The following RNF212 variants were observed in gnomAD, a reference collection of about 807,000 sequenced individuals.
The protein encoded by RNF212 is probable E3 SUMO-protein ligase RNF212.
RNF212 carries 33 observed loss-of-function variants against 34.7 expected under a neutral mutation model. The ratio of observed to expected loss-of-function variants is 0.95; its 90% CI spans 0.72 to 1.27. RNF212 has a LOEUF of 1.27. Ranked by LOEUF, RNF212 falls within the 50% of genes most tolerant of loss-of-function variation. RNF212 has a pLI of 0.00. For missense variants in RNF212, 377 were observed against 362.2 expected (o/e 1.04, Z -0.33); for synonymous variants, 140 against 136.1 (o/e 1.03, Z -0.20).
chr4:1,058,904 T>G (rs1560087425), intron 3 of RNF212, among the ~76,000 whole-genome samples: 1 of 152,214 alleles, frequency 6.6e-6, no homozygotes, highest in Admixed American at 6.5e-5. Flanking sequence ...TCCCAAGCCT[T>G]GGCTCCTGCT....
chr4:1,083,157 C>A (rs527454997), intron 5 of RNF212, among the ~76,000 whole-genome samples: 1 of 152,102 alleles, frequency 6.6e-6, no homozygotes, highest in Admixed American at 6.5e-5. Context: ...CAGAAATATA[C>A]CTCCCTCCAG....
chr4:1,089,887 G>T (rs1347343250), intron 4 of RNF212, among the ~76,000 whole-genome samples: 3 of 152,204 alleles, frequency 2.0e-5, no homozygotes, highest in Non-Finnish European at 4.4e-5. Context: ...CAGTCATGCG[G>T]AACTGTGAGT....
downstream of RNF212, among the ~76,000 whole-genome samples, chr4:1,066,932 T>C (rs900079944): frequency 2.6e-5 from 4 of 152,184 alleles, no homozygotes; most frequent in Non-Finnish European, 5.9e-5. Context: ...TATTTTTTAG[T>C]TTTAGGTCCT....
intron 8 of RNF212, chr4:1,073,871 G>A (rs1577646918): frequency 1.8e-6 from 1 of 564,904 alleles, no homozygotes; most frequent in Non-Finnish European, 3.2e-6. Context: ...GGTATTACCT[G>A]ATTACCTGTT....
chr4:1,057,840 A>T (rs907839883), intron 4 of RNF212, among the ~76,000 whole-genome samples: 9 of 152,190 alleles, frequency 5.9e-5, no homozygotes, highest in Admixed American at 1.3e-4. Flanking sequence ...CGAGGCAGGC[A>T]GATCACCTGA....
At chr4:1,102,870 G>A (rs528812722) in intron 2 of RNF212, among the ~76,000 whole-genome samples, 10 of 141,978 alleles carry the variant, frequency 7.0e-5, no homozygotes, top group Admixed American at 5.0e-4. Flanking sequence ...GGCCGGGCAC[G>A]GTGGCTCACA....
rs1560099122 is a variant in RNF212, at chr4:1,072,926, GC to G, written c.841del (p.Ala281LeufsTer25). 9.3e-6 allele frequency: 15 copies of G among 1,613,810 alleles called. No individual in the cohort carries two copies. The highest frequency in any genetic ancestry group is 1.1e-5 in the Non-Finnish European group (13 of 1,179,740). Reference protein sequence around the residue: ...EGTLDTFRTPAVSVVFPLCQF... With the variant: ...EGTLDTFRTPXVSVVFPLCQF... ...GCAAAGAGGAAACACAACAGACACAGCGGGTGTTCTGAACGTGTCCAGGGTG... is the reference window on the plus strand; with the variant it reads ...GCAAAGAGGAAACACAACAGACACAGGGGTGTTCTGAACGTGTCCAGGGTG... On this transcript the variant is annotated frameshift_variant, in exon 10 of 10. Transcript: ENST00000433731. LOFTEE classifies it high-confidence loss of function.
intron 4 of RNF212, among the ~76,000 whole-genome samples, chr4:1,087,841 T>C (rs913680818): frequency 2.2e-4 from 33 of 152,108 alleles, no homozygotes; most frequent in Non-Finnish European, 8.8e-5. Flanking sequence ...CCCCCTCTCC[T>C]GCCGCTATGT....
chr4:1,112,331 CGAGGATGGAGGTCA>C (rs1725815441), intron 1 of RNF212, among the ~76,000 whole-genome samples: 2 of 152,156 alleles, frequency 1.3e-5, no homozygotes, highest in Non-Finnish European at 2.9e-5. Flanking sequence ...AGGCCAACTC[CGAGGATGGAGGTCA>C]GCACAGCTGG....
At chr4:1,059,718 G>C (rs1717615863) in intron 3 of RNF212, among the ~76,000 whole-genome samples, 1 of 152,228 alleles carries the variant, frequency 6.6e-6, no homozygotes, top group South Asian at 2.1e-4. Context: ...ACAAAACCCT[G>C]TACATTGAAC....
Position 1,081,569 on chromosome 4 carries a change from G to T in RNF212, c.413C>A (p.Ser138Ter). 6.2e-7 allele frequency: 1 copy of T among 1,610,668 alleles called. No homozygotes were observed. The highest frequency in any genetic ancestry group is 1.1e-5 in the South Asian group (1 of 90,982). Residue 138 changes from serine (S) to a stop codon, truncating the protein, a stop_gained and splice_region_variant, in exon 6 of 10, where the codon TCA becomes TAA. Transcript: ENST00000433731. LOFTEE classifies it high-confidence loss of function. The part of the protein sequence containing the change: ...TAFSTIKSSV[S>*]TKPHGCLLPP... ...CTTTCTGGCATGATTTTACTTACTT[G>T]AAACTGAACTTTTTATTGTGCTGAA...
intron 5 of RNF212, among the ~76,000 whole-genome samples, chr4:1,084,341 T>C (rs1318931685): frequency 6.6e-6 from 1 of 152,172 alleles, no homozygotes; most frequent in East Asian, 1.9e-4. Context: ...AGCTAGTAAA[T>C]GTAGGAGGCT....
intron 1 of RNF212, among the ~76,000 whole-genome samples, chr4:1,109,924 G>GTC (rs1292556585): frequency 1.3e-5 from 2 of 152,154 alleles, no homozygotes; most frequent in African/African-American, 4.8e-5. Context: ...CTCCAGAATT[G>GTC]TCTCCTTTCC....
intron 7 of RNF212, among the ~76,000 whole-genome samples, chr4:1,079,924 C>T (rs1720052673): frequency 6.6e-6 from 1 of 152,260 alleles, no homozygotes; most frequent in Non-Finnish European, 1.5e-5. Flanking sequence ...CGCTGGCCGG[C>T]CCGCCCTGGT....
At chr4:1,076,337 C>T (rs190441787) in intron 8 of RNF212, among the ~76,000 whole-genome samples, 33 of 152,336 alleles carry the variant, frequency 2.2e-4, no homozygotes, top group South Asian at 4.1e-4. Context: ...GTGCCCCAGG[C>T]GCTGTCATGG....
At chr4:1,063,877 A>T (rs1717915447) in intron 3 of RNF212, among the ~76,000 whole-genome samples, 1 of 151,906 alleles carries the variant, frequency 6.6e-6, no homozygotes, top group Admixed American at 6.6e-5. Flanking sequence ...CTCAAAAAAA[A>T]AAAAATGAAA....
intron 4 of RNF212, among the ~76,000 whole-genome samples, chr4:1,088,115 C>T (rs924932353): frequency 6.6e-6 from 1 of 152,078 alleles, no homozygotes; most frequent in African/African-American, 2.4e-5. Context: ...TTGGAGGGCT[C>T]AGAAAAAGAC....
At chr4:1,079,318 C>A (rs1279666366) in intron 8 of RNF212, among the ~76,000 whole-genome samples, 3 of 152,364 alleles carry the variant, frequency 2.0e-5, no homozygotes, top group South Asian at 4.1e-4. Flanking sequence ...AGATTCAACA[C>A]AGGACCAACA....
At chr4:1,062,824 C>CA (rs371316558) in intron 3 of RNF212, among the ~76,000 whole-genome samples, 14 of 151,770 alleles carry the variant, frequency 9.2e-5, no homozygotes, top group African/African-American at 2.9e-4. Context: ...AGAGAATCCA[C>CA]AAAAAAAATC....
Sources: allele counts gnomAD v4.1 joint callset (sites outside exome capture counted in the v4.1 genomes callset), GRCh38; gene constraint gnomAD v4.1.1; transcripts MANE v1.5; gene names NCBI Gene and HGNC (gene_info 2026-07-23, HGNC 2026-07-21).